PRR36: variants seen among roughly 807,000 people sequenced by gnomAD.
PRR36 encodes the protein proline rich 36.
In PRR36, 30 loss-of-function variants were observed where a neutral mutation model predicts 58.6. The observed-to-expected ratio is 0.51, with a 90% confidence interval of 0.38 to 0.69. The LOEUF (loss-of-function observed/expected upper bound fraction) is 0.69, where lower values mean the gene tolerates loss of function less well. PRR36 is among the 30% of genes least tolerant of loss of function. PRR36 has a pLI of 0.00. For missense variants in PRR36, 1,692 were observed against 1,805.6 expected (o/e 0.94, Z 1.14); for synonymous variants, 771 against 829.3 (o/e 0.93, Z 1.21).
chr19:7,871,378 C>G lies in PRR36; in HGVS notation c.1866G>C (p.Leu622=). The G allele has an allele frequency of 6.5e-7, 1 of 1,535,446 alleles. No homozygotes were observed. Residue 622 remains leucine (L), a synonymous_variant, in exon 5 of 6, where the codon CTG becomes CTC. Coordinates refer to ENST00000618550, the MANE Select transcript of PRR36 (RefSeq NM_001190467.2). ...TTGTCAGGAAAGAATGTGTGGCCTG[C>G]AGAGTGGGTGAGCCCAAAGAAGTTG... ...QATTSLGSPT[L]QATHSFLTMS...
At position 7,873,231 on chromosome 19, in the gene PRR36, C is replaced by G; in HGVS notation, c.340G>C (p.Val114Leu). Reference protein sequence around the residue: ...PPAKNTSPGPVSSPGRASGTT... With the variant: ...PPAKNTSPGPLSSPGRASGTT... ...CCGCTGGCACGCCCTGGGCTAGAAA[C>G]AGGGCCTGGGCTGGTGTTCTTGGCA... is the stretch of plus-strand genomic sequence containing the variant. The change falls in exon 3 of 6, where the codon GTT becomes CTT. Residue 114 changes from valine to leucine, a missense_variant. Physicochemically the swap from Val to Leu is conservative, Grantham distance 32 (BLOSUM62 1). Around this residue, in one of 5 missense-constraint regions of PRR36, gnomAD observed 975 missense variants for 955.2 expected, o/e 1.02. Coordinates refer to ENST00000618550, the MANE Select transcript of PRR36 (RefSeq NM_001190467.2). The surrounding 1 kb of genome is among the most constrained non-coding windows in gnomAD (Gnocchi z 5.0). 1 of 1,536,020 alleles carries G rather than the reference C, an allele frequency of 6.5e-7. No homozygotes were observed. The highest frequency in any genetic ancestry group is 8.7e-7 in the Non-Finnish European group (1 of 1,146,846).
At position 7,871,202 on chromosome 19, in the gene PRR36, G is replaced by T; in HGVS notation, c.2042C>A (p.Ser681Ter). Reference sequence around the variant, plus strand: ...CTGCAGAGGGTGTATGGTCAGGGGTGAGCTTAGGGGTGAGACAGCAGGAGA... The same window carrying T: ...CTGCAGAGGGTGTATGGTCAGGGGTTAGCTTAGGGGTGAGACAGCAGGAGA... Reference protein sequence around the residue: ...SLSPAVSPLSSPLTIHPLQAL... With the variant: ...SLSPAVSPLS The change falls in exon 5 of 6, where the codon TCA becomes TAA. Residue 681 changes from serine to a stop codon, truncating the protein, a stop_gained. Coordinates refer to ENST00000618550, the MANE Select transcript of PRR36 (RefSeq NM_001190467.2). LOFTEE classifies it high-confidence loss of function. The T allele has an allele frequency of 6.5e-7, 1 of 1,534,704 alleles. No individual in the cohort carries two copies. Among genetic ancestry groups the T allele is most frequent in the Non-Finnish European group, 8.7e-7 (1 of 1,146,576 alleles).
rs1327191487 is a variant in PRR36, at chr19:7,869,380, C to T, written c.3694G>A (p.Ala1232Thr). 2 of 1,462,904 alleles carry T rather than the reference C, an allele frequency of 1.4e-6. No homozygotes were observed. Among genetic ancestry groups the T allele is most frequent in the Non-Finnish European group, 9.0e-7 (1 of 1,116,760 alleles). 90.6% of individuals were successfully genotyped at this position (1,462,904 alleles called of 1,614,324 possible). ...TTCGGGCTCCGCGAGGACGCCCCGG[C>T]CCCGGCCCCAGCCGCCGCCTTCCCA... Reference protein sequence around the residue: ...SGGKAAAGAGAGASSRSPKQA... With the variant: ...SGGKAAAGAGTGASSRSPKQA... Residue 1232 changes from alanine (A) to threonine (T), a missense_variant, in exon 6 of 6, where the codon GCC becomes ACC. Around this residue, in one of 5 missense-constraint regions of PRR36, gnomAD observed 485 missense variants for 549.2 expected, o/e 0.88. Transcript: ENST00000618550.
At position 7,871,174 on chromosome 19, in the gene PRR36, C is replaced by G. The variant is rs751699853; in HGVS notation, c.2070G>C (p.Ala690=). The part of the protein sequence containing the change: ...SSPLTIHPLQ[A]LSSLASHSPQ... ...GAGAGTGGGAGGCCAGAGAAGATAGCGCCTGCAGAGGGTGTATGGTCAGGG... is the reference window on the plus strand; with the variant it reads ...GAGAGTGGGAGGCCAGAGAAGATAGGGCCTGCAGAGGGTGTATGGTCAGGG... Residue 690 remains alanine (A), a synonymous_variant, in exon 5 of 6, where the codon GCG becomes GCC. Coordinates refer to ENST00000618550, the MANE Select transcript of PRR36 (RefSeq NM_001190467.2). 1.9e-5 allele frequency: 29 copies of G among 1,531,958 alleles called. No individual in the cohort carries two copies. Among genetic ancestry groups the G allele is most frequent in the Non-Finnish European group, 2.5e-5 (29 of 1,146,202 alleles). 94.9% of individuals were successfully genotyped at this position (1,531,958 alleles called of 1,614,324 possible).
intron 5 of PRR36, 73 bp from the exon 6 acceptor site, chr19:7,869,617 T>A (rs1005310282): frequency 6.8e-7 from 1 of 1,473,858 alleles, no homozygotes; most frequent in African/African-American, 1.5e-5. Flanking sequence ...CGCCTCCTTG[T>A]CTAAGCTCCG....
rs1191026281 is a variant in PRR36, at chr19:7,873,298, G to A, written c.273C>T (p.Ala91=). 1.3e-6 allele frequency: 2 copies of A among 1,533,808 alleles called. No individual in the cohort carries two copies. The highest frequency in any genetic ancestry group is 1.2e-5 in the South Asian group (1 of 83,814). ...RSAGTSSRNP[A]SRPPASGRGE... ...CTCTCCCAGAGGCTGGGGGCCTGGA[G>A]GCTGCGGGGAGAAGGCCGAGTCACA... Residue 91 remains alanine (A), a splice_region_variant and synonymous_variant, in exon 3 of 6, where the codon GCC becomes GCT. Transcript: ENST00000618550. This position sits in a 1 kb window ranked among gnomAD's most constrained non-coding sequence, Gnocchi z 5.0.
intron 5 of PRR36, 44 bp from the exon 6 acceptor site, chr19:7,869,588 C>T: frequency 1.3e-6 from 2 of 1,500,708 alleles, no homozygotes; most frequent in Non-Finnish European, 1.8e-6. Flanking sequence ...TGATAAGCCC[C>T]GCCCCTGCCT....
Position 7,869,262 on chromosome 19 carries a change from T to C in PRR36, c.3812A>G (p.Glu1271Gly). ...CCCGCCGCTGCCGCCCGCGGCACCC[T>C]CGGCAGCCGCCAGCAGCAGCGTCCG... ...LSRTLLLAAA[E>G]GAAGGSGGGP... is the part of the protein sequence containing the mutation. The change falls in exon 6 of 6, where the codon GAG (glutamate) becomes GGG (glycine). Residue 1271 changes from glutamate to glycine, a missense_variant. Physicochemically the swap from Glu to Gly is moderately conservative, Grantham distance 98. This residue lies in a region of PRR36 where 485 missense variants were observed against 549.2 expected (regional missense o/e 0.88). Coordinates refer to ENST00000618550, the MANE Select transcript of PRR36 (RefSeq NM_001190467.2). 6.8e-7 allele frequency: 1 copy of C among 1,467,824 alleles called. No individual in the cohort carries two copies. The highest frequency in any genetic ancestry group is 8.9e-7 in the Non-Finnish European group (1 of 1,120,392). The allele number at this position is 1,467,824 out of a possible 1,614,324, so 90.9% of individuals were successfully genotyped here.
chr19:7,872,095 C>T lies in PRR36; in HGVS notation c.1149G>A (p.Leu383=). 3 of 1,530,928 alleles carry T rather than the reference C, an allele frequency of 2.0e-6. No homozygotes were observed. The highest frequency in any genetic ancestry group is 1.2e-5 in the South Asian group (1 of 83,526). The allele number at this position is 1,530,928 out of a possible 1,614,324, so 94.8% of individuals were successfully genotyped here. A position where few individuals can be genotyped will look rare whatever the true frequency, so the allele number is the denominator to read the frequency against. ...APPSPSAPPS[L]QTLPSPPATP... ...TGGCTGGTGGAGAGGGGAGGGTCTG[C>T]AGAGAAGGTGGAGCAGAGGGAGAAG... The change falls in exon 5 of 6, where the codon CTG becomes CTA. Residue 383 remains leucine (L), a synonymous_variant. Transcript: ENST00000618550. The surrounding 1 kb of genome is among the most constrained non-coding windows in gnomAD (Gnocchi z 6.1).
rs971416889 is a variant in PRR36, at chr19:7,869,003, G to A, written c.*30C>T. On this transcript the variant is annotated 3_prime_UTR_variant, in exon 6 of 6. Transcript: ENST00000618550. Reference sequence around the variant, plus strand: ...GAGGGGCGGATCCTAAGGCAGGGGTGGGGTGTAGCAGGCGGGGCTGTGGTC... The same window carrying A: ...GAGGGGCGGATCCTAAGGCAGGGGTAGGGTGTAGCAGGCGGGGCTGTGGTC... The A allele has an allele frequency of 1.6e-5, 24 of 1,481,506 alleles. No homozygotes were observed. The highest frequency in any genetic ancestry group is 8.6e-5 in the Admixed American group (4 of 46,302). The allele number at this position is 1,481,506 out of a possible 1,614,324, so 91.8% of individuals were successfully genotyped here. A position where few individuals can be genotyped will look rare whatever the true frequency, so the allele number is the denominator to read the frequency against.
Position 7,873,093 on chromosome 19 carries a change from T to C in PRR36, c.374+104A>G. ...TGGCTTTCACCCAATTTGTGCCCAGTGACCTGCAAGTGCTCCCGCGCCCCA... is the reference window on the plus strand; with the variant it reads ...TGGCTTTCACCCAATTTGTGCCCAGCGACCTGCAAGTGCTCCCGCGCCCCA... On this transcript the variant is annotated intron_variant, in intron 3 of 5. Transcript: ENST00000618550. The surrounding 1 kb of genome is among the most constrained non-coding windows in gnomAD (Gnocchi z 5.0). The C allele has an allele frequency of 7.5e-7, 1 of 1,333,078 alleles. No homozygotes were observed. 82.6% of individuals were successfully genotyped at this position (1,333,078 alleles called of 1,614,324 possible).
Position 7,869,217 on chromosome 19 carries a change from C to A in PRR36, c.3857G>T (p.Gly1286Val). 4.6e-6 allele frequency: 7 copies of A among 1,525,736 alleles called. No homozygotes were observed. The highest frequency in any genetic ancestry group is 6.1e-6 in the Non-Finnish European group (7 of 1,142,910). 94.5% of individuals were successfully genotyped at this position (1,525,736 alleles called of 1,614,324 possible). Reference sequence around the variant, plus strand: ...CCGGGCGCCCCCTGTGACGCCACCACCCTCCGCACCTCCTGGGCCCCCGCC... The same window carrying A: ...CCGGGCGCCCCCTGTGACGCCACCAACCTCCGCACCTCCTGGGCCCCCGCC... Reference protein sequence around the residue: ...GSGGGPGGAEGGGVTGGARAA... With the variant: ...GSGGGPGGAEVGGVTGGARAA... The change falls in exon 6 of 6, where the codon GGT becomes GTT. Residue 1286 changes from glycine to valine, a missense_variant. By Grantham distance (109) the Gly-to-Val change is moderately radical. This residue lies in a region of PRR36 where 485 missense variants were observed against 549.2 expected (regional missense o/e 0.88). Transcript: ENST00000618550.
chr19:7,868,916 C>T lies in PRR36; in HGVS notation c.*117G>A. 3.2e-6 allele frequency: 4 copies of T among 1,235,240 alleles called. No homozygotes were observed. Among genetic ancestry groups the T allele is most frequent in the South Asian group, 1.6e-5 (1 of 62,618 alleles). The allele number at this position is 1,235,240 out of a possible 1,614,324, so 76.5% of individuals were successfully genotyped here. A position where few individuals can be genotyped will look rare whatever the true frequency, so the allele number is the denominator to read the frequency against. On this transcript the variant is annotated 3_prime_UTR_variant, in exon 6 of 6. Transcript: ENST00000618550. ...AGGCTCAGGCTCTAGGGAGCTAAGA[C>T]TAATCCACCCAGCGGGGCTCCAGGG...
At position 7,869,878 on chromosome 19, in the gene PRR36, G is replaced by C; in HGVS notation, c.3366C>G (p.His1122Gln). ...CTGGCGTGCTCGTGGCGCTGCTGCT[G>C]TGGCCGGCCAGGTCTGGGCCGCTCA... ...STLSGPDLAGHSSSATSTPEE... is the reference protein window; with the variant it reads ...STLSGPDLAGQSSSATSTPEE... Residue 1122 changes from histidine (H) to glutamine (Q), a missense_variant, in exon 5 of 6, where the codon CAC becomes CAG. His to Gln is a conservative substitution (Grantham distance 24). Transcript: ENST00000618550. The C allele has an allele frequency of 7.5e-7, 1 of 1,336,890 alleles. No homozygotes were observed. Among genetic ancestry groups the C allele is most frequent in the Non-Finnish European group, 9.5e-7 (1 of 1,050,248 alleles). The allele number at this position is 1,336,890 out of a possible 1,614,324, so 82.8% of individuals were successfully genotyped here.
chr19:7,873,181 A>G lies in PRR36; in HGVS notation c.374+16T>C. ...TAACCCTGGCTTAGGAGACTGGGGG[A>G]GAGGGAGCAGGTTACCTGGTGGTCC... On this transcript the variant is annotated intron_variant, in intron 3 of 5. Transcript: ENST00000618550. This position sits in a 1 kb window ranked among gnomAD's most constrained non-coding sequence, Gnocchi z 5.0. 6.5e-7 allele frequency: 1 copy of G among 1,533,340 alleles called. No homozygotes were observed. The highest frequency in any genetic ancestry group is 8.7e-7 in the Non-Finnish European group (1 of 1,144,500). 95.0% of individuals were successfully genotyped at this position (1,533,340 alleles called of 1,614,324 possible).
In PRR36 at chr19:7,869,383, C is replaced by G. The variant is rs1980262527; in HGVS notation, c.3691G>C (p.Gly1231Arg). The change falls in exon 6 of 6, where the codon GGG becomes CGG. Residue 1231 changes from glycine (G) to arginine (R), a missense_variant. This residue lies in a region of PRR36 where 485 missense variants were observed against 549.2 expected (regional missense o/e 0.88). Coordinates refer to ENST00000618550, the MANE Select transcript of PRR36 (RefSeq NM_001190467.2). ...TSGGKAAAGA[G>R]AGASSRSPKQ... ...GGGCTCCGCGAGGACGCCCCGGCCC[C>G]GGCCCCAGCCGCCGCCTTCCCACCG... is the stretch of plus-strand genomic sequence containing the variant. The G allele has an allele frequency of 2.7e-6, 4 of 1,464,028 alleles. No individual in the cohort carries two copies. Among genetic ancestry groups the G allele is most frequent in the Admixed American group, 2.6e-5 (1 of 39,198 alleles). The allele number at this position is 1,464,028 out of a possible 1,614,324, so 90.7% of individuals were successfully genotyped here. A position where few individuals can be genotyped will look rare whatever the true frequency, so the allele number is the denominator to read the frequency against.
Position 7,870,432 on chromosome 19 carries a change from TTGGG to T in PRR36, c.2808_2811del (p.Pro937CysfsTer157). ...GGAGGGGGCGTGGCTGAAGGAGACA[TTGGG>T]GGAGAGGCAGGGGGAGAGGGTGGGA... is the stretch of plus-strand genomic sequence containing the variant. On this transcript the variant is annotated frameshift_variant, in exon 5 of 6. Coordinates refer to ENST00000618550, the MANE Select transcript of PRR36 (RefSeq NM_001190467.2). LOFTEE classifies it high-confidence loss of function. 1.1e-5 allele frequency: 3 copies of T among 271,704 alleles called. No homozygotes were observed. The highest frequency in any genetic ancestry group is 1.4e-5 in the Non-Finnish European group (3 of 220,228). The allele number at this position is 271,704 out of a possible 1,614,324, so 16.8% of individuals were successfully genotyped here.
chr19:7,873,486 G>A lies in PRR36; in HGVS notation c.204C>T (p.Ala68=). 6.5e-7 allele frequency: 1 copy of A among 1,535,224 alleles called. No homozygotes were observed. Among genetic ancestry groups the A allele is most frequent in the Non-Finnish European group, 8.7e-7 (1 of 1,146,794 alleles). Residue 68 remains alanine (A), a synonymous_variant, in exon 2 of 6, where the codon GCC becomes GCT. Coordinates refer to ENST00000618550, the MANE Select transcript of PRR36 (RefSeq NM_001190467.2). This position sits in a 1 kb window ranked among gnomAD's most constrained non-coding sequence, Gnocchi z 5.0. ...CTCGGGGAGCAGACTCGGGAATAGT[G>A]GCCCCGCCGATGCCCCCCGCTCGCT... ...LAERAGGIGG[A]TIPESAPRAG...
At position 7,869,173 on chromosome 19, in the gene PRR36, C is replaced by T; in HGVS notation, c.3901G>A (p.Glu1301Lys). ...AGTAGTTCGGCCCAGCGGCCGAGTT[C>T]GGCGTCGCTGAGTGCAGCCCGGGCG... ...GGARAALSDA[E>K]LGRWAELLSP... The change falls in exon 6 of 6, where the codon GAA (glutamate) becomes AAA (lysine). Residue 1301 changes from glutamate to lysine, a missense_variant. By Grantham distance (56) the Glu-to-Lys change is moderately conservative. Around this residue, in one of 5 missense-constraint regions of PRR36, gnomAD observed 485 missense variants for 549.2 expected, o/e 0.88. Transcript: ENST00000618550. 6.5e-7 allele frequency: 1 copy of T among 1,535,292 alleles called. No individual in the cohort carries two copies. Among genetic ancestry groups the T allele is most frequent in the Non-Finnish European group, 8.7e-7 (1 of 1,146,652 alleles).
Sources: gnomAD v4.1 joint callset for allele counts on GRCh38, gnomAD v4.1.1 for gene constraint, gnomAD v4.1.1 regional missense constraint, Gnocchi (gnomAD v3.1) non-coding constraint, MANE v1.5 for transcripts, NCBI Gene and HGNC (gene_info 2026-07-23, HGNC 2026-07-21) for gene names.